Variants in PARP12 observed in about 807,000 individuals in gnomAD.
PARP12 encodes the protein poly(ADP-ribose) polymerase family member 12, also known as protein mono-ADP-ribosyltransferase PARP12.
Under a neutral mutation model 72.4 loss-of-function variants are expected in PARP12, and 59 were observed. The ratio of observed to expected loss-of-function variants is 0.81; its 90% confidence interval spans 0.66 to 1.01. PARP12 has a LOEUF of 1.01. PARP12 is among the 50% of genes least tolerant of loss of function. The pLI is 0.00. For missense variants in PARP12, 851 were observed against 914.0 expected (o/e 0.93, Z 0.89); for synonymous variants, 403 against 371.4 (o/e 1.09, Z -0.98).
At chr7:140,028,160 C>A (rs1026230375) in intron 9 of PARP12, among the ~76,000 whole-genome samples, 2 of 152,152 alleles carry the variant, frequency 1.3e-5, no homozygotes, top group African/African-American at 4.8e-5. Context: ...TGGTCAGAGC[C>A]CCTCAACAAG....
intron 11 of PARP12, chr7:140,025,556 T>A: frequency 2.2e-6 from 1 of 456,226 alleles, no homozygotes; most frequent in Non-Finnish European, 4.4e-6. Context: ...TGTTAAAGGG[T>A]GAAAGGAGAC....
At chr7:140,026,481 A>C (rs1420152247) in intron 10 of PARP12, 133 bp from the exon 11 acceptor site, 10 of 1,171,896 alleles carry the variant, frequency 8.5e-6, no homozygotes, top group South Asian at 1.6e-5. Context: ...GTCACAGGCT[A>C]CCCTGACTAG....
At chr7:140,038,386 G>A (rs544538909) in intron 6 of PARP12, 10 of 851,232 alleles carry the variant, frequency 1.2e-5, no homozygotes, top group East Asian at 2.5e-4. Flanking sequence ...AGGAAATCTC[G>A]TAGCTTCAGC....
At chr7:140,041,322 GGTTAA>G (rs67539122) in intron 6 of PARP12, 3,603 of 243,144 alleles carry the variant, frequency 0.015, 47 homozygotes, top group Non-Finnish European at 0.021. Flanking sequence ...CCAGCTGTGG[GGTTAA>G]GTTACCTGTT....
At chr7:140,041,500 T>A (rs1816465976) in intron 6 of PARP12, 144 bp downstream of exon 6, 2 of 737,322 alleles carry the variant, frequency 2.7e-6, no homozygotes, top group African/African-American at 3.5e-5. Context: ...GCCATAATTC[T>A]CCCAAAGCAA....
At chr7:140,025,201 T>G in intron 11 of PARP12, 7 of 349,108 alleles carry the variant, frequency 2.0e-5, no homozygotes, top group Non-Finnish European at 3.8e-5. Flanking sequence ...AAACCTCAGA[T>G]TCCTCAGGCA....
chr7:140,049,330 C>G (rs575914279), intron 4 of PARP12, among the ~76,000 whole-genome samples: 1 of 152,330 alleles, frequency 6.6e-6, no homozygotes, highest in East Asian at 1.9e-4. Context: ...ATGGACAGCT[C>G]ACTAGGTCAG....
In PARP12 at chr7:140,033,782, G is replaced by A. The variant is rs149605814; in HGVS notation, c.1421+453C>T. 1,517 of 989,192 alleles carry A rather than the reference G, an allele frequency of 1.5e-3. 26 individuals are homozygous for A. In the African/African-American group the frequency reaches 0.025, roughly 16 times the overall value. 61.3% of individuals were successfully genotyped at this position (989,192 alleles called of 1,614,324 possible). A position where few individuals can be genotyped will look rare whatever the true frequency, so the allele number is the denominator to read the frequency against. On this transcript the variant is annotated intron_variant, in intron 8 of 11. Coordinates refer to ENST00000263549, the MANE Select transcript of PARP12 (RefSeq NM_022750.4). ...AAAGAAACTCACCCTGACGAAGCTC[G>A]CCCATTAGTGACTGCAATATCTGTT... is the stretch of plus-strand genomic sequence containing the variant.
intron 7 of PARP12, among the ~76,000 whole-genome samples, chr7:140,036,883 TTCTC>T (rs1434433532): frequency 6.6e-5 from 10 of 152,210 alleles, no homozygotes; most frequent in Middle Eastern, 3.4e-3. Flanking sequence ...GGTGGCCTAT[TTCTC>T]TCTGTAAGGC....
chr7:140,031,912 A>G (rs987323149), intron 8 of PARP12, among the ~76,000 whole-genome samples: 1 of 152,168 alleles, frequency 6.6e-6, no homozygotes, highest in African/African-American at 2.4e-5. Context: ...AATAAGAGAT[A>G]TATATTTATG....
In PARP12 at chr7:140,046,872, C is replaced by CAT. The variant is rs763130229; in HGVS notation, c.986+10_986+11dup. On this transcript the variant is annotated intron_variant, in intron 5 of 11. Transcript: ENST00000263549. ...CCAGGCACAAAGCAGAGACAAGGGA[C>CAT]ATATTTCCTACCTTTCTATTTTGGG... The CAT allele has an allele frequency of 3.1e-6, 5 of 1,610,090 alleles. No homozygotes were observed. The highest frequency in any genetic ancestry group is 1.7e-4 in the Middle Eastern group (1 of 6,054).
chr7:140,046,726 G>GTGTC (rs1816740892), intron 5 of PARP12, among the ~76,000 whole-genome samples, 158 bp downstream of exon 5: 1 of 64,678 alleles, frequency 1.5e-5, no homozygotes, highest in Non-Finnish European at 2.6e-5. Flanking sequence ...CTCACAGTGT[G>GTGTC]TGTGTGTGTG....
At chr7:140,033,591 T>C (rs1333693781) in intron 8 of PARP12, 1 of 985,174 alleles carries the variant, frequency 1.0e-6, no homozygotes, top group Non-Finnish European at 1.2e-6. Flanking sequence ...TCCAATCCCA[T>C]CCCACCTCCC....
Position 140,062,797 on chromosome 7 carries a change from G to C in PARP12, c.51C>G (p.Ala17=). The part of the protein sequence containing the change: ...VGEVTQVLCA[A]GGALELPELR... ...GCTCGGGCAACTCCAGGGCGCCCCC[G>C]GCCGCGCACAGCACCTGGGTGACCT... Residue 17 remains alanine (A), a synonymous_variant, in exon 1 of 12, where the codon GCC becomes GCG. Coordinates refer to ENST00000263549, the MANE Select transcript of PARP12 (RefSeq NM_022750.4). 1.4e-6 allele frequency: 2 copies of C among 1,412,890 alleles called. No homozygotes were observed. The highest frequency in any genetic ancestry group is 1.9e-6 in the Non-Finnish European group (2 of 1,080,970). The allele number at this position is 1,412,890 out of a possible 1,614,324, so 87.5% of individuals were successfully genotyped here.
At chr7:140,046,178 C>A (rs1478411090) in intron 5 of PARP12, among the ~76,000 whole-genome samples, 3 of 152,176 alleles carry the variant, frequency 2.0e-5, no homozygotes, top group Admixed American at 6.5e-5. Flanking sequence ...ACCATTTAAT[C>A]CTCCTAACAG....
intron 1 of PARP12, among the ~76,000 whole-genome samples, chr7:140,061,902 CA>C (rs2116690266): frequency 6.8e-6 from 1 of 147,650 alleles, no homozygotes; most frequent in African/African-American, 2.5e-5. Flanking sequence ...GAAGGATTAA[CA>C]AATAGGGCCA....
chr7:140,052,798 G>T (rs1244382642), intron 4 of PARP12, among the ~76,000 whole-genome samples: 1 of 150,492 alleles, frequency 6.6e-6, no homozygotes, highest in Non-Finnish European at 1.5e-5. Flanking sequence ...ATAGGCAAAA[G>T]ATTTGAGTAG....
At chr7:140,058,593 G>A (rs1280669205) in intron 1 of PARP12, among the ~76,000 whole-genome samples, 1 of 152,044 alleles carries the variant, frequency 6.6e-6, no homozygotes, top group Non-Finnish European at 1.5e-5. Context: ...ACAAGCCAAG[G>A]AGAGGGGCCT....
chr7:140,035,872 AGAGGAG>A (rs1242244960), intron 7 of PARP12, among the ~76,000 whole-genome samples: 2 of 135,664 alleles, frequency 1.5e-5, no homozygotes, highest in Non-Finnish European at 3.2e-5. Flanking sequence ...GGGAAGAGGA[AGAGGAG>A]GAGGAAGAGG....
Sources: gnomAD v4.1 joint callset for allele counts (sites outside exome capture counted in the v4.1 genomes callset) on GRCh38, gnomAD v4.1.1 for gene constraint, MANE v1.5 for transcripts, NCBI Gene and HGNC (gene_info 2026-07-23, HGNC 2026-07-21) for gene names.